Variants in SMG6 observed in about 807,000 individuals in gnomAD.
SMG6 encodes the protein SMG6 nonsense mediated mRNA decay factor.
In SMG6, 66 loss-of-function variants were observed where a neutral mutation model predicts 142.2. That is an observed-to-expected ratio of 0.46 (90% CI 0.38 to 0.57). The LOEUF is 0.57. Among genes scored for constraint, SMG6 ranks in the 20% least tolerant of loss-of-function variants. SMG6 has a pLI of 0.00. For missense variants in SMG6, 1,793 were observed against 1,832.0 expected (o/e 0.98, Z 0.39); for synonymous variants, 779 against 702.4 (o/e 1.11, Z -1.72).
chr17:2,265,216 AC>A (rs1342917811), intron 8 of SMG6, among the ~76,000 whole-genome samples: 2 of 152,132 alleles, frequency 1.3e-5, no homozygotes, highest in Non-Finnish European at 2.9e-5. Context: ...GCAAGGTCAG[AC>A]CTGCATAATG....
intron 14 of SMG6, among the ~76,000 whole-genome samples, chr17:2,084,753 C>T (rs368649078): frequency 9.2e-5 from 14 of 152,330 alleles, no homozygotes; most frequent in African/African-American, 3.4e-4. Context: ...ATGTTCCTTC[C>T]CACCTAAGTC....
chr17:2,176,847 T>C (rs964460839), intron 12 of SMG6, among the ~76,000 whole-genome samples: 4 of 152,240 alleles, frequency 2.6e-5, no homozygotes, highest in African/African-American at 9.6e-5. Context: ...GCTCACTTGC[T>C]TCCCTACAGA....
intron 13 of SMG6, chr17:2,089,791 G>A (rs1339919394): frequency 1.3e-5 from 2 of 152,156 alleles, no homozygotes; most frequent in African/African-American, 4.8e-5. Flanking sequence ...CTGGAGCCAA[G>A]GGGAGCGAGG....
rs1597241496 is a variant in SMG6 at position 2,300,059 on chromosome 17, C to T, written c.694G>A (p.Asp232Asn). 8 of 1,614,144 alleles carry T rather than the reference C, an allele frequency of 5.0e-6. No homozygotes were observed. The highest frequency in any genetic ancestry group is 2.2e-5 in the South Asian group (2 of 91,078). Residue 232 changes from aspartate to asparagine, a missense_variant, in exon 2 of 19, where the codon GAC (aspartate) becomes AAC (asparagine). Physicochemically the swap from Asp to Asn is conservative, Grantham distance 23. This residue lies in a region of SMG6 where 1,597 missense variants were observed against 1,584.6 expected (regional missense o/e 1.01). Transcript: ENST00000263073. ...KGEGVRETHDDPARGRPGSAK... is the reference protein window; with the variant it reads ...KGEGVRETHDNPARGRPGSAK... ...GAGCCCGGCCTCCCGCGGGCTGGGT[C>T]GTCGTGGGTTTCCCTCACCCCCTCC...
intron 9 of SMG6, among the ~76,000 whole-genome samples, chr17:2,242,486 C>T (rs1288315711): frequency 5.3e-5 from 8 of 150,446 alleles, no homozygotes; most frequent in African/African-American, 5.0e-5. Flanking sequence ...GCGGAGATCG[C>T]GCCACTGCAC....
chr17:2,296,901 AG>A (rs1488328687), intron 4 of SMG6, among the ~76,000 whole-genome samples: 1 of 151,836 alleles, frequency 6.6e-6, no homozygotes, highest in African/African-American at 2.4e-5. Context: ...AGACTGACAG[AG>A]GAGAATCCCT....
At chr17:2,194,920 G>C (rs1265936095) in intron 10 of SMG6, among the ~76,000 whole-genome samples, 3 of 152,152 alleles carry the variant, frequency 2.0e-5, no homozygotes. Context: ...AACACCTGGA[G>C]GGAGAGAGGT....
At chr17:2,119,971 T>C (rs1015872205) in intron 13 of SMG6, among the ~76,000 whole-genome samples, 1 of 151,896 alleles carries the variant, frequency 6.6e-6, no homozygotes, top group Non-Finnish European at 1.5e-5. Flanking sequence ...CATGTCCAGC[T>C]AACGTCTTAT....
chr17:2,133,200 C>T (rs903873616), intron 13 of SMG6, among the ~76,000 whole-genome samples: 11 of 152,016 alleles, frequency 7.2e-5, no homozygotes, highest in African/African-American at 4.8e-5. Flanking sequence ...AGCGAGATGG[C>T]GTCACTGCAC....
At chr17:2,297,412 A>C in intron 3 of SMG6, 59 bp from the exon 4 acceptor site, 3 of 1,288,838 alleles carry the variant, frequency 2.3e-6, no homozygotes, top group Non-Finnish European at 3.2e-6. Flanking sequence ...CCTATCCACC[A>C]AAAACCGGGG....
chr17:2,078,314 T>C (rs139352205), intron 15 of SMG6, among the ~76,000 whole-genome samples: 167 of 152,144 alleles, frequency 1.1e-3, no homozygotes, highest in African/African-American at 3.8e-3. Flanking sequence ...AATTAGATAC[T>C]AGGGGTTAAA....
intron 13 of SMG6, among the ~76,000 whole-genome samples, chr17:2,164,152 C>T (rs1383091340): frequency 6.6e-6 from 1 of 151,920 alleles, no homozygotes; most frequent in African/African-American, 2.4e-5. Flanking sequence ...CACAGTGGCT[C>T]ACACCTGTAA....
intron 8 of SMG6, among the ~76,000 whole-genome samples, chr17:2,261,437 G>GTA (rs981095818): frequency 3.9e-5 from 6 of 152,108 alleles, no homozygotes; most frequent in African/African-American, 1.4e-4. Flanking sequence ...ACTTTTCTGT[G>GTA]TATATATATT....
Position 2,085,958 on chromosome 17 carries a change from C to G in SMG6, c.3358-57G>C. On this transcript the variant is annotated intron_variant, in intron 13 of 18. Coordinates refer to ENST00000263073, the MANE Select transcript of SMG6 (RefSeq NM_017575.5). This position sits in a 1 kb window ranked among gnomAD's most constrained non-coding sequence, Gnocchi z 4.1. ...CATTTTCTGAAAGGGAAGATGGAGA[C>G]GAGATGTTGCTTGCCGGCTGAGGGG... The G allele has an allele frequency of 6.4e-7, 1 of 1,559,950 alleles. No homozygotes were observed. The highest frequency in any genetic ancestry group is 8.8e-7 in the Non-Finnish European group (1 of 1,133,292).
At chr17:2,163,400 G>A (rs924874402) in intron 13 of SMG6, among the ~76,000 whole-genome samples, 3 of 151,914 alleles carry the variant, frequency 2.0e-5, no homozygotes, top group African/African-American at 7.3e-5. Flanking sequence ...GGCTGGTCTC[G>A]AACTCCTGGG....
At chr17:2,298,361 G>A (rs571318606) in intron 2 of SMG6, among the ~76,000 whole-genome samples, 1 of 152,246 alleles carries the variant, frequency 6.6e-6, no homozygotes, top group South Asian at 2.1e-4. Context: ...TCCATTTCAA[G>A]ATTCCATGAT....
intron 12 of SMG6, among the ~76,000 whole-genome samples, chr17:2,182,329 T>C (rs575869264): frequency 9.2e-5 from 14 of 152,200 alleles, no homozygotes; most frequent in Non-Finnish European, 1.5e-4. Context: ...TGGCCCCAGC[T>C]GCACAGCTTG....
At chr17:2,131,192 A>G (rs2070109025) in intron 13 of SMG6, among the ~76,000 whole-genome samples, 1 of 152,220 alleles carries the variant, frequency 6.6e-6, no homozygotes, top group Admixed American at 6.5e-5. Context: ...AAAATCTCAA[A>G]CATATATAAA....
chr17:2,109,211 T>C, intron 13 of SMG6, among the ~76,000 whole-genome samples: 1 of 152,190 alleles, frequency 6.6e-6, no homozygotes, highest in African/African-American at 2.4e-5. Context: ...GTCTATGTAG[T>C]ATATTCTCAC....
Sources: gnomAD v4.1 joint callset for allele counts (sites outside exome capture counted in the v4.1 genomes callset) on GRCh38, gnomAD v4.1.1 for gene constraint, gnomAD v4.1.1 regional missense constraint, Gnocchi (gnomAD v3.1) non-coding constraint, MANE v1.5 for transcripts, NCBI Gene and HGNC (gene_info 2026-07-23, HGNC 2026-07-21) for gene names.